The following NRAP variants were observed in gnomAD, a reference collection of about 807,000 sequenced individuals.
NRAP encodes the protein nebulin related anchoring protein.
A neutral mutation model predicts 225.9 loss-of-function variants in NRAP; 189 were observed. That is an observed-to-expected ratio of 0.84 (90% confidence interval 0.74 to 0.94). The LOEUF is 0.94. NRAP is among the 40% of genes least tolerant of loss of function. The probability of loss-of-function intolerance (pLI) is 0.00; values close to 1 mark genes in which losing one functional copy is unlikely to be tolerated. For synonymous variants in NRAP, 769 were observed against 790.7 expected (o/e 0.97, Z 0.46); for missense variants, 2,176 against 2,168.7 (o/e 1.00, Z -0.07).
At chr10:113,608,324 G>T in intron 32 of NRAP, 90 bp downstream of exon 32, 2 of 765,012 alleles carry the variant, frequency 2.6e-6, no homozygotes, top group South Asian at 1.7e-5. Context: ...AAACACCCAT[G>T]CTCTTTCTCA....
rs566651584 is a variant in NRAP, at chr10:113,647,026, C to T, written c.890G>A (p.Gly297Asp). ...TRECADQYGQGYPEEYEEHRG... is the reference protein window; with the variant it reads ...TRECADQYGQDYPEEYEEHRG... ...GTGCTCCTCATACTCCTCCGGGTAA[C>T]CCTGCCGGGTGCATCAAAAACTTCA... The change falls in exon 10 of 42, where the codon GGT becomes GAT. Residue 297 changes from glycine (G) to aspartate (D), a missense_variant and splice_region_variant. Around this residue, in one of 3 missense-constraint regions of NRAP, gnomAD observed 1,708 missense variants for 1,695.5 expected, o/e 1.01. Coordinates refer to ENST00000359988, the MANE Select transcript of NRAP (RefSeq NM_198060.4). 11 of 1,611,516 alleles carry T rather than the reference C, an allele frequency of 6.8e-6. No homozygotes were observed. Among genetic ancestry groups the T allele is most frequent in the South Asian group, 3.3e-5 (3 of 91,026 alleles).
intron 19 of NRAP, 83 bp from the exon 20 acceptor site, chr10:113,629,104 G>A: frequency 2.0e-6 from 2 of 1,006,556 alleles, no homozygotes; most frequent in East Asian, 2.4e-5. Flanking sequence ...AGAAGATCTT[G>A]ATCCTGCATT....
intron 6 of NRAP, among the ~76,000 whole-genome samples, chr10:113,652,674 T>C (rs1210879291): frequency 6.6e-6 from 1 of 152,050 alleles, no homozygotes; most frequent in Admixed American, 6.5e-5. Context: ...ATGTGTTCAG[T>C]GCTAAAGCAA....
rs1324413600 is a variant in NRAP at position 113,592,307 on chromosome 10, T to C, written c.4537-6A>G. On this transcript the variant is annotated splice_region_variant and splice_polypyrimidine_tract_variant and intron_variant, in intron 38 of 41. Transcript: ENST00000359988. ...CAGGAGTTTCTGTAGACTTTCTAGATTGGAAAAACAAAAGCATGAGTAAGC... is the reference window on the plus strand; with the variant it reads ...CAGGAGTTTCTGTAGACTTTCTAGACTGGAAAAACAAAAGCATGAGTAAGC... The C allele has an allele frequency of 1.9e-6, 3 of 1,598,106 alleles. No homozygotes were observed. The African/African-American group carries it at 4.0e-5, about 21-fold the overall frequency.
At chr10:113,651,128 CT>C (rs1849938597) in intron 7 of NRAP, among the ~76,000 whole-genome samples, 1 of 152,160 alleles carries the variant, frequency 6.6e-6, no homozygotes, top group African/African-American at 2.4e-5. Flanking sequence ...AAAGTTTTCT[CT>C]TTAAAGAAGT....
chr10:113,596,266 T>G (rs1261199529), intron 37 of NRAP, among the ~76,000 whole-genome samples: 2 of 152,252 alleles, frequency 1.3e-5, no homozygotes, highest in Non-Finnish European at 2.9e-5. Flanking sequence ...AAGATTTATC[T>G]GGTTTCTATT....
Position 113,614,199 on chromosome 10 carries a change from G to T in NRAP, c.3284C>A (p.Thr1095Asn), listed in dbSNP as rs560170283. ...CCCACTTACATCACTCTGCAGTGAG[G>T]TCGCATACACTGAATGTGCAAGGCT... is the stretch of plus-strand genomic sequence containing the variant. ...DISLAHSVYA[T>N]SLQSDVNYKK... Residue 1095 changes from threonine (T) to asparagine (N), a missense_variant, in exon 29 of 42, where the codon ACC becomes AAC. Thr to Asn is a moderately conservative substitution (Grantham distance 65). This residue lies in a region of NRAP where 1,708 missense variants were observed against 1,695.5 expected (regional missense o/e 1.01). Transcript: ENST00000359988. 7 of 1,612,512 alleles carry T rather than the reference G, an allele frequency of 4.3e-6. No homozygotes were observed. The highest frequency in any genetic ancestry group is 2.2e-5 in the South Asian group (2 of 91,052).
intron 10 of NRAP, 22 bp downstream of exon 10, chr10:113,646,901 G>A (rs1367578978): frequency 3.3e-6 from 5 of 1,527,960 alleles, no homozygotes; most frequent in Non-Finnish European, 4.5e-6. Context: ...TGGCTCTGTG[G>A]TCACACCTAC....
At chr10:113,662,916 C>T in intron 2 of NRAP, 150 bp from the exon 3 acceptor site, 1 of 448,154 alleles carries the variant, frequency 2.2e-6, no homozygotes, top group Non-Finnish European at 3.8e-6. Context: ...ATTTTCCAGG[C>T]AATGCATCTT....
At position 113,605,743 on chromosome 10, in the gene NRAP, G is replaced by A. The variant is rs1846916456; in HGVS notation, c.3915+19C>T. On this transcript the variant is annotated intron_variant, in intron 34 of 41. Transcript: ENST00000359988. ...TAACAGAAATTAGGCAAGATGGAAG[G>A]TCATATCATTCAACTCACATCACTG... is the stretch of plus-strand genomic sequence containing the variant. 2.0e-6 allele frequency: 3 copies of A among 1,482,142 alleles called. No homozygotes were observed. The highest frequency in any genetic ancestry group is 1.9e-6 in the Non-Finnish European group (2 of 1,061,056). The allele number at this position is 1,482,142 out of a possible 1,614,324, so 91.8% of individuals were successfully genotyped here.
rs1385641537 is a variant in NRAP at position 113,629,722 on chromosome 10, T to C, written c.1906A>G (p.Asn636Asp). The change falls in exon 19 of 42, where the codon AAC (asparagine) becomes GAC (aspartate). Residue 636 changes from asparagine to aspartate, a missense_variant. Transcript: ENST00000359988. ...TRFHLPMDMV[N>D]IRHAKKAQTL... ...TGGGCCTTCTTAGCATGCCTGATGT[T>C]TACCATATCCATGGGCAGGTGAAAC... 1 of 1,613,914 alleles carries C rather than the reference T, an allele frequency of 6.2e-7. No individual in the cohort carries two copies.
At position 113,590,587 on chromosome 10, in the gene NRAP, C is replaced by A. The variant is rs761318205; in HGVS notation, c.4947G>T (p.Leu1649=). ...GGTGGAGGTGGCTCACATCACTCTG[C>A]AGCTGGTGGGCCTTCTGAGCATGCC... The part of the protein sequence containing the change: ...GLRHAQKAHQ[L]QSDVKYKSDL... The change falls in exon 40 of 42, where the codon CTG becomes CTT. Residue 1649 remains leucine (L), a synonymous_variant. Coordinates refer to ENST00000359988, the MANE Select transcript of NRAP (RefSeq NM_198060.4). 1.9e-5 allele frequency: 31 copies of A among 1,610,580 alleles called. No homozygotes were observed. Among genetic ancestry groups the A allele is most frequent in the Non-Finnish European group, 3.4e-6 (4 of 1,179,542 alleles).
At chr10:113,649,946 C>T (rs1849838661) in intron 9 of NRAP, 91 bp downstream of exon 9, 1 of 755,698 alleles carries the variant, frequency 1.3e-6, no homozygotes, top group Non-Finnish European at 2.3e-6. Flanking sequence ...AACCAAAGCC[C>T]CACCCCTGAT....
chr10:113,598,079 G>A lies in NRAP; in HGVS notation c.4228-6C>T, dbSNP rs78666374. ...AGGTCTGACTTGTAGCGCAACTGCA[G>A]GGAAAAAAATCATGGGCTTTATCAG... On this transcript the variant is annotated splice_region_variant and splice_polypyrimidine_tract_variant and intron_variant, in intron 35 of 41. Coordinates refer to ENST00000359988, the MANE Select transcript of NRAP (RefSeq NM_198060.4). 6.3e-7 allele frequency: 1 copy of A among 1,599,696 alleles called. No homozygotes were observed. The highest frequency in any genetic ancestry group is 8.6e-7 in the Non-Finnish European group (1 of 1,167,238).
Position 113,588,961 on chromosome 10 carries a change from A to AG in NRAP, c.*13dup, listed in dbSNP as rs1491089878. On this transcript the variant is annotated 3_prime_UTR_variant, in exon 42 of 42. Transcript: ENST00000359988. ...CTTCCTCTCTGGCCTCTCAGGAATCAGGGTGGACATGGCTCACAACAGCAG... is the reference window on the plus strand; with the variant it reads ...CTTCCTCTCTGGCCTCTCAGGAATCAGGGGTGGACATGGCTCACAACAGCAG... 6.3e-6 allele frequency: 10 copies of AG among 1,579,762 alleles called. No homozygotes were observed. The highest frequency in any genetic ancestry group is 8.6e-6 in the Non-Finnish European group (10 of 1,161,044).
chr10:113,609,457 A>G (rs118124952), intron 31 of NRAP, among the ~76,000 whole-genome samples: 1 of 152,162 alleles, frequency 6.6e-6, no homozygotes, highest in Non-Finnish European at 1.5e-5. Flanking sequence ...ACCTTCCATT[A>G]TCCCCTCTTG....
In NRAP at chr10:113,589,035, C is replaced by T; in HGVS notation, c.5133G>A (p.Glu1711=). 1 of 1,614,052 alleles carries T rather than the reference C, an allele frequency of 6.2e-7. No individual in the cohort carries two copies. The highest frequency in any genetic ancestry group is 8.5e-7 in the Non-Finnish European group (1 of 1,180,006). ...AVEAGDHQSG[E]VNPDATEILH... is the part of the protein sequence containing the mutation. The stretch of plus-strand genomic sequence containing the variant: ...GAATCTCAGTGGCATCTGGGTTCAC[C>T]TCCCCACTCTGATGATCTCCAGCCT... Residue 1711 remains glutamate, a synonymous_variant, in exon 42 of 42, where the codon GAG becomes GAA. Transcript: ENST00000359988.
Position 113,588,820 on chromosome 10 carries a change from A to G in NRAP, c.*155T>C. Reference sequence around the variant, plus strand: ...TATCAGAGAGGACCACAAATACAACATTCTCCATCTGCTTTCAGAGTTATT... The same window carrying G: ...TATCAGAGAGGACCACAAATACAACGTTCTCCATCTGCTTTCAGAGTTATT... On this transcript the variant is annotated 3_prime_UTR_variant, in exon 42 of 42. Coordinates refer to ENST00000359988, the MANE Select transcript of NRAP (RefSeq NM_198060.4). The G allele has an allele frequency of 1.5e-6, 1 of 654,992 alleles. No homozygotes were observed. The highest frequency in any genetic ancestry group is 2.7e-6 in the Non-Finnish European group (1 of 367,500). 40.6% of individuals were successfully genotyped at this position (654,992 alleles called of 1,614,324 possible). A position where few individuals can be genotyped will look rare whatever the true frequency, so the allele number is the denominator to read the frequency against.
intron 29 of NRAP, among the ~76,000 whole-genome samples, chr10:113,613,614 A>G (rs369530642): frequency 5.3e-5 from 8 of 152,266 alleles, no homozygotes; most frequent in African/African-American, 1.7e-4. Context: ...GAGGGTCACA[A>G]CCAACAATGA....
Sources: gnomAD v4.1 joint callset for allele counts (sites outside exome capture counted in the v4.1 genomes callset) on GRCh38, gnomAD v4.1.1 for gene constraint, gnomAD v4.1.1 regional missense constraint, MANE v1.5 for transcripts, NCBI Gene and HGNC (gene_info 2026-07-23, HGNC 2026-07-21) for gene names.